Variants in MARCHF1 observed in about 807,000 individuals in gnomAD.
MARCHF1 encodes the protein membrane associated ring-CH-type finger 1.
Under a neutral mutation model 54.2 loss-of-function variants are expected in MARCHF1, and 40 were observed. The observed-to-expected ratio is 0.74, with a 90% CI of 0.57 to 0.96. The LOEUF is 0.96. MARCHF1 is among the 40% of genes least tolerant of loss of function. The pLI, the probability that MARCHF1 is intolerant of heterozygous loss-of-function variation, is 0.00. For synonymous variants in MARCHF1, 236 were observed against 236.3 expected, an observed-to-expected ratio of 1.00 and a Z score of 0.01; for missense variants, 586 against 656.5, an observed-to-expected ratio of 0.89 and a Z score of 1.17.
Position 164,063,700 on chromosome 4 carries a change from T to G in MARCHF1, c.-248+47888A>C, listed in dbSNP as rs56074933. On this transcript the variant is annotated intron_variant, in intron 2 of 9. Coordinates refer to ENST00000514618, the MANE Select transcript of MARCHF1 (RefSeq NM_001394959.1). ...TTGTGCTTGAATTTTTTAGCATTTT[T>G]ATATTCCAAATATTATTCTTGAAGT... 4.7e-3 allele frequency among the ~76,000 whole-genome samples: 721 copies of G among 152,352 alleles called. 10 individuals are homozygous for G. Among genetic ancestry groups the G allele is most frequent in the African/African-American group, 0.017 (696 of 41,586 alleles).
At chr4:163,532,280 A>C (rs569876105) in intron 9 of MARCHF1, among the ~76,000 whole-genome samples, 1 of 152,030 alleles carries the variant, frequency 6.6e-6, no homozygotes, top group South Asian at 2.1e-4. Flanking sequence ...AAATAGACTG[A>C]TACAAATATA....
chr4:163,769,847 A>G (rs564493586), intron 4 of MARCHF1, among the ~76,000 whole-genome samples: 1 of 152,218 alleles, frequency 6.6e-6, no homozygotes, highest in South Asian at 2.1e-4. Flanking sequence ...TGTGTATACA[A>G]TTGACCCTTG....
chr4:164,051,232 G>A (rs1033390917), intron 2 of MARCHF1, among the ~76,000 whole-genome samples: 15 of 151,982 alleles, frequency 9.9e-5, no homozygotes, highest in Non-Finnish European at 1.9e-4. Context: ...ATTTATGTAC[G>A]GAAACAGAAT....
At chr4:163,593,440 T>C (rs1482325263) in intron 7 of MARCHF1, among the ~76,000 whole-genome samples, 1 of 152,190 alleles carries the variant, frequency 6.6e-6, no homozygotes, top group East Asian at 1.9e-4. Flanking sequence ...GAAATATATA[T>C]GGTCAGATAC....
chr4:163,760,886 C>G (rs908121317), intron 4 of MARCHF1, among the ~76,000 whole-genome samples: 1 of 152,170 alleles, frequency 6.6e-6, no homozygotes, highest in Non-Finnish European at 1.5e-5. Flanking sequence ...AACTGATAAA[C>G]ATATTTCTGC....
At chr4:163,934,122 A>G (rs1336753817) in intron 3 of MARCHF1, among the ~76,000 whole-genome samples, 1 of 152,188 alleles carries the variant, frequency 6.6e-6, no homozygotes, top group East Asian at 1.9e-4. Flanking sequence ...TGTGGGGTGT[A>G]CAGTTTGTCT....
At chr4:163,810,970 G>A (rs1748367815) in intron 4 of MARCHF1, among the ~76,000 whole-genome samples, 1 of 151,750 alleles carries the variant, frequency 6.6e-6, no homozygotes, top group Non-Finnish European at 1.5e-5. Flanking sequence ...TGCTGTTCGT[G>A]AGAGGTACTT....
intron 1 of MARCHF1, among the ~76,000 whole-genome samples, chr4:164,147,868 C>CAA (rs141162890): frequency 1.0e-4 from 15 of 149,856 alleles, no homozygotes; most frequent in Middle Eastern, 6.8e-3. Flanking sequence ...TCTCTTATGG[C>CAA]AAAAAAAAAA....
chr4:163,721,255 T>C (rs1745446850), intron 4 of MARCHF1, among the ~76,000 whole-genome samples: 1 of 152,246 alleles, frequency 6.6e-6, no homozygotes. Flanking sequence ...TTGAATTTTG[T>C]CAAAGGTCTT....
intron 4 of MARCHF1, among the ~76,000 whole-genome samples, chr4:163,719,494 T>G (rs1021544603): frequency 1.1e-4 from 16 of 152,226 alleles, no homozygotes; most frequent in Non-Finnish European, 2.1e-4. Context: ...TAAACAGATG[T>G]GTGTGTGTGT....
chr4:164,314,184 A>T (rs1734938946), intron 1 of MARCHF1, among the ~76,000 whole-genome samples: 1 of 152,348 alleles, frequency 6.6e-6, no homozygotes, highest in South Asian at 2.1e-4. Context: ...TGACTTCTGT[A>T]AAGACTAGAG....
At chr4:163,593,813 A>G (rs1187104074) in intron 7 of MARCHF1, among the ~76,000 whole-genome samples, 1 of 152,244 alleles carries the variant, frequency 6.6e-6, no homozygotes, top group East Asian at 1.9e-4. Flanking sequence ...CAAAATACTG[A>G]TGTTTTACAG....
At chr4:163,877,502 G>A (rs1750317665) in intron 3 of MARCHF1, among the ~76,000 whole-genome samples, 1 of 147,796 alleles carries the variant, frequency 6.8e-6, no homozygotes, top group African/African-American at 2.5e-5. Context: ...ATAGGATTGA[G>A]AATCACTGGT....
intron 4 of MARCHF1, among the ~76,000 whole-genome samples, chr4:163,836,472 C>G (rs1264422589): frequency 6.9e-6 from 1 of 145,746 alleles, no homozygotes; most frequent in East Asian, 2.1e-4. Flanking sequence ...GTCTCGATCT[C>G]CTGACCTCGT....
intron 4 of MARCHF1, among the ~76,000 whole-genome samples, chr4:163,820,477 C>T (rs115309181): frequency 7.1e-4 from 108 of 152,138 alleles, no homozygotes; most frequent in African/African-American, 2.5e-3. Context: ...TTCATGCTCA[C>T]AGATTCAATG....
intron 4 of MARCHF1, among the ~76,000 whole-genome samples, chr4:163,782,864 G>A (rs2110911075): frequency 6.6e-6 from 1 of 152,124 alleles, no homozygotes; most frequent in South Asian, 2.1e-4. Context: ...CATTGGGCTT[G>A]CAAAAGAATT....
intron 9 of MARCHF1, among the ~76,000 whole-genome samples, chr4:163,537,369 G>A (rs1480020740): frequency 6.6e-6 from 1 of 152,182 alleles, no homozygotes; most frequent in African/African-American, 2.4e-5. Context: ...AGAAAGGAAG[G>A]CACTAAATCT....
chr4:164,061,562 A>G (rs1447465073), intron 2 of MARCHF1, among the ~76,000 whole-genome samples: 4 of 148,432 alleles, frequency 2.7e-5, no homozygotes, highest in African/African-American at 9.9e-5. Flanking sequence ...GGATAGCATT[A>G]GGAGATATAC....
chr4:163,573,469 C>G (rs866087196), intron 8 of MARCHF1, among the ~76,000 whole-genome samples: 6 of 113,524 alleles, frequency 5.3e-5, no homozygotes, highest in African/African-American at 1.9e-4. Context: ...CCCCTCCCCC[C>G]ACCCCACAAC....
Sources: allele counts gnomAD v4.1 joint callset (sites outside exome capture counted in the v4.1 genomes callset), GRCh38; gene constraint gnomAD v4.1.1; transcripts MANE v1.5; gene names NCBI Gene and HGNC (gene_info 2026-07-23, HGNC 2026-07-21).